ABHD2: variants seen among roughly 807,000 people sequenced by gnomAD.
ABHD2 encodes abhydrolase domain containing 2, acylglycerol lipase, also known as monoacylglycerol lipase ABHD2.
Under a neutral mutation model 48.1 loss-of-function variants are expected in ABHD2, and 20 were observed. The ratio of observed to expected loss-of-function variants is 0.42; its 90% CI spans 0.29 to 0.60. ABHD2 has a LOEUF of 0.60. Ranked by LOEUF, ABHD2 falls within the 20% of genes least tolerant of loss-of-function variation. ABHD2 has a pLI of 0.24. For synonymous variants in ABHD2, 209 were observed against 214.2 expected, an observed-to-expected ratio of 0.98 and a Z score of 0.21; for missense variants, 405 against 550.9, an observed-to-expected ratio of 0.74 and a Z score of 2.65.
chr15:89,065,906 A>G, the ABHD2 span, among the ~76,000 whole-genome samples: 1 of 152,214 alleles, frequency 6.6e-6, no homozygotes, highest in African/African-American at 2.4e-5. Flanking sequence ...TACCATTTAC[A>G]TAATACCTGC....
Position 89,188,152 on chromosome 15 carries a change from C to T in ABHD2, c.816-41C>T. The T allele has an allele frequency of 1.3e-6, 2 of 1,572,344 alleles. No homozygotes were observed. The highest frequency in any genetic ancestry group is 8.8e-7 in the Non-Finnish European group (1 of 1,142,358). On this transcript the variant is annotated intron_variant, in intron 7 of 10. Coordinates refer to ENST00000352732, the MANE Select transcript of ABHD2 (RefSeq NM_152924.5). This position sits in a 1 kb window ranked among gnomAD's most constrained non-coding sequence, Gnocchi z 4.1. ...GCAGGCTATGCCATGGTTGTTCATC[C>T]TCCACATCTTAATCTCTGTTTGCTT... is the stretch of plus-strand genomic sequence containing the variant.
chr15:89,058,813 T>C, the ABHD2 span, among the ~76,000 whole-genome samples: 1 of 152,084 alleles, frequency 6.6e-6, no homozygotes, highest in Non-Finnish European at 1.5e-5. Context: ...CCCTCAACAA[T>C]ATCTCAATAA....
At chr15:89,131,831 G>A (rs749363883) in intron 3 of ABHD2, among the ~76,000 whole-genome samples, 16 of 152,164 alleles carry the variant, frequency 1.1e-4, no homozygotes, top group Non-Finnish European at 2.1e-4. Flanking sequence ...AGACGTAAGA[G>A]AGCTAGCACC....
upstream of ABHD2, among the ~76,000 whole-genome samples, chr15:89,086,514 A>G (rs760855252): frequency 2.6e-5 from 4 of 152,168 alleles, no homozygotes; most frequent in Non-Finnish European, 5.9e-5. Context: ...TCCTGGGCTC[A>G]AACAACCCTC....
the ABHD2 span, among the ~76,000 whole-genome samples, chr15:89,043,515 G>A: frequency 1.4e-4 from 20 of 145,938 alleles, no homozygotes; most frequent in Admixed American, 1.4e-4. Flanking sequence ...AAAGAGGAAG[G>A]AGGAAGAGGA....
the ABHD2 span, among the ~76,000 whole-genome samples, chr15:89,077,568 T>G: frequency 1.3e-4 from 20 of 152,352 alleles, no homozygotes; most frequent in African/African-American, 4.8e-4. Flanking sequence ...CACATTATTT[T>G]ACCTCTCTGG....
chr15:89,072,929 TA>T, the ABHD2 span, among the ~76,000 whole-genome samples: 3 of 152,168 alleles, frequency 2.0e-5, no homozygotes, highest in Admixed American at 2.0e-4. Flanking sequence ...ATCATATTAA[TA>T]AAATTTAATT....
the ABHD2 span, among the ~76,000 whole-genome samples, chr15:89,069,112 C>A: frequency 7.8e-6 from 1 of 127,830 alleles, no homozygotes; most frequent in African/African-American, 3.2e-5. Context: ...TTTTTCTTTT[C>A]TTTTCTTTTC....
At chr15:89,142,630 G>C (rs1314402843) in intron 3 of ABHD2, among the ~76,000 whole-genome samples, 1 of 152,160 alleles carries the variant, frequency 6.6e-6, no homozygotes, top group Non-Finnish European at 1.5e-5. Flanking sequence ...AGGAGGAGAA[G>C]CCAGACTACT....
the ABHD2 span, among the ~76,000 whole-genome samples, chr15:89,056,534 T>C: frequency 1.3e-5 from 2 of 152,048 alleles, no homozygotes; most frequent in East Asian, 3.9e-4. Context: ...TCCCAGCTAC[T>C]CAGGAGGCTG....
In ABHD2 at chr15:89,106,447, G is replaced by A. The variant is rs1267828869; in HGVS notation, c.-106-7278G>A. 1.3e-5 allele frequency: 2 copies of A among 152,212 alleles called. No homozygotes were observed. Among genetic ancestry groups the A allele is most frequent in the African/African-American group, 4.8e-5 (2 of 41,398 alleles). 9.4% of individuals were successfully genotyped at this position (152,212 alleles called of 1,614,324 possible). On this transcript the variant is annotated intron_variant, in intron 1 of 10. Transcript: ENST00000352732. The surrounding 1 kb of genome is among the most constrained non-coding windows in gnomAD (Gnocchi z 4.2). ...GCTAAGGTGCTCACTCACCTCATTA[G>A]ACCTTACCGAGAGTGAGAACAGGGC... is the stretch of plus-strand genomic sequence containing the variant.
chr15:89,156,617 A>C (rs28472786), intron 5 of ABHD2, among the ~76,000 whole-genome samples: 2,745 of 152,128 alleles, frequency 0.018, 66 homozygotes, highest in African/African-American at 0.062. Context: ...ACACGCCTGT[A>C]ATCCCAGCTA....
At position 89,116,858 on chromosome 15, in the gene ABHD2, G is replaced by C. The variant is rs1434481772; in HGVS notation, c.194+337G>C. 6.6e-6 allele frequency among the ~76,000 whole-genome samples: 1 copy of C among 152,158 alleles called. No homozygotes were observed. Among genetic ancestry groups the C allele is most frequent in the African/African-American group, 2.4e-5 (1 of 41,432 alleles). ...AACGAATGCTTTGTTGCCAGTTCTA[G>C]GATGGAGAAACTATCCTCACCCAAA... On this transcript the variant is annotated intron_variant, in intron 3 of 10. Transcript: ENST00000352732. The surrounding 1 kb of genome is among the most constrained non-coding windows in gnomAD (Gnocchi z 4.6).
At chr15:89,191,325 C>T (rs1242261510) in intron 9 of ABHD2, among the ~76,000 whole-genome samples, 176 bp downstream of exon 9, 1 of 152,170 alleles carries the variant, frequency 6.6e-6, no homozygotes, top group Admixed American at 6.5e-5. Flanking sequence ...AACTGCCATA[C>T]ATTAATCCCA....
rs2050486532 is a variant in ABHD2 at position 89,146,072 on chromosome 15, A to C, written c.195-5605A>C. On this transcript the variant is annotated intron_variant, in intron 3 of 10. Coordinates refer to ENST00000352732, the MANE Select transcript of ABHD2 (RefSeq NM_152924.5). The surrounding 1 kb of genome is among the most constrained non-coding windows in gnomAD (Gnocchi z 4.2). ...CAACTTGCTGAGATGTGAGGACTCA[A>C]TCTCAGGCAACATATCCTAAACATC... 6.6e-6 allele frequency among the ~76,000 whole-genome samples: 1 copy of C among 152,106 alleles called. No individual in the cohort carries two copies. Among genetic ancestry groups the C allele is most frequent in the Admixed American group, 6.5e-5 (1 of 15,278 alleles).
At chr15:89,112,277 A>G (rs1310067908) in intron 1 of ABHD2, among the ~76,000 whole-genome samples, 1 of 152,176 alleles carries the variant, frequency 6.6e-6, no homozygotes, top group African/African-American at 2.4e-5. Context: ...AGAAATCTAG[A>G]TTTTTATCTG....
Position 89,177,874 on chromosome 15 carries a change from A to C in ABHD2, c.722+1879A>C, listed in dbSNP as rs1226094947. On this transcript the variant is annotated intron_variant, in intron 6 of 10. Coordinates refer to ENST00000352732, the MANE Select transcript of ABHD2 (RefSeq NM_152924.5). The surrounding 1 kb of genome is among the most constrained non-coding windows in gnomAD (Gnocchi z 5.6). Reference sequence around the variant, plus strand: ...GTTTTGTTTTCTTTTTTTTCAATGCACAAAATCTTAACACGACAATCCCTT... The same window carrying C: ...GTTTTGTTTTCTTTTTTTTCAATGCCCAAAATCTTAACACGACAATCCCTT... Among the ~76,000 whole-genome samples the C allele has an allele frequency of 2.0e-5, 3 of 152,114 alleles. No individual in the cohort carries two copies. Among genetic ancestry groups the C allele is most frequent in the Admixed American group, 1.3e-4 (2 of 15,278 alleles).
In ABHD2 at chr15:89,164,139, C is replaced by T. The variant is rs1359129923; in HGVS notation, c.538+8605C>T. On this transcript the variant is annotated intron_variant, in intron 5 of 10. Coordinates refer to ENST00000352732, the MANE Select transcript of ABHD2 (RefSeq NM_152924.5). The surrounding 1 kb of genome is among the most constrained non-coding windows in gnomAD (Gnocchi z 5.0). ...TCCTCCAGACAATGATGGGGCCAGC[C>T]TCTGCGATGGGAATACAGGTGTGGA... 6.6e-6 allele frequency among the ~76,000 whole-genome samples: 1 copy of T among 152,190 alleles called. No homozygotes were observed. Among genetic ancestry groups the T allele is most frequent in the African/African-American group, 2.4e-5 (1 of 41,450 alleles).
the ABHD2 span, among the ~76,000 whole-genome samples, chr15:89,076,572 C>T: frequency 1.3e-5 from 2 of 152,206 alleles, no homozygotes; most frequent in African/African-American, 2.4e-5. Flanking sequence ...CAGCCTCTAC[C>T]TCCTGGGCTC....
Sources: gnomAD v4.1 joint callset for allele counts (sites outside exome capture counted in the v4.1 genomes callset) on GRCh38, gnomAD v4.1.1 for gene constraint, Gnocchi (gnomAD v3.1) non-coding constraint, MANE v1.5 for transcripts, NCBI Gene and HGNC (gene_info 2026-07-23, HGNC 2026-07-21) for gene names.